The following PPP2R3B variants were observed in gnomAD, a reference collection of about 807,000 sequenced individuals.
PPP2R3B encodes the protein serine/threonine-protein phosphatase 2A regulatory subunit B'' subunit beta.
A neutral mutation model predicts 72.9 loss-of-function variants in PPP2R3B; 68 were observed. The observed-to-expected ratio is 0.93, with a 90% CI of 0.77 to 1.14. PPP2R3B has a LOEUF of 1.14. PPP2R3B is among the 50% of genes most tolerant of loss of function. The pLI, the probability that PPP2R3B is intolerant of heterozygous loss-of-function variation, is 0.00. For missense variants in PPP2R3B, 1,018 were observed against 842.0 expected (o/e 1.21, Z -2.59); for synonymous variants, 466 against 375.8 (o/e 1.24, Z -2.78).
chrX:346,315 C>T, intron 5 of PPP2R3B, 55 bp from the exon 6 acceptor site: 3 of 1,507,836 alleles, frequency 2.0e-6, no homozygotes, highest in South Asian at 2.4e-5. Flanking sequence ...GAGCCTCGCC[C>T]CGCACGGAGA....
intron 1 of PPP2R3B, among the ~76,000 whole-genome samples, chrX:381,858 A>G (rs963128315): frequency 3.9e-5 from 6 of 152,136 alleles, no homozygotes; most frequent in African/African-American, 7.2e-5. Context: ...TCGGCCTCCC[A>G]AAGTGCTGGG....
chrX:358,005 A>G (rs1313993040), intron 2 of PPP2R3B, among the ~76,000 whole-genome samples: 1 of 152,096 alleles, frequency 6.6e-6, no homozygotes, highest in African/African-American at 2.4e-5. Context: ...GTCCCCTCAG[A>G]CGTGAGTTCT....
chrX:341,936 A>G lies in PPP2R3B; in HGVS notation c.1037-5T>C, dbSNP rs749944851. On this transcript the variant is annotated splice_polypyrimidine_tract_variant and splice_region_variant and intron_variant, in intron 7 of 12. Transcript: ENST00000390665. ...CTATCATCTTGGTAGAAAGGGCTGG[A>G]AAGGAATGCGGTTGATGGGCAGCCC... The G allele has an allele frequency of 1.2e-6, 2 of 1,612,550 alleles. No homozygotes were observed. The highest frequency in any genetic ancestry group is 8.5e-7 in the Non-Finnish European group (1 of 1,179,756).
At chrX:383,060 C>T (rs1569420677) in intron 1 of PPP2R3B, among the ~76,000 whole-genome samples, 2 of 152,152 alleles carry the variant, frequency 1.3e-5, no homozygotes, top group Admixed American at 6.6e-5. Context: ...TCAAGAGATG[C>T]GTCCTGGGGC....
chrX:367,855 T>C (rs928541630), intron 1 of PPP2R3B, among the ~76,000 whole-genome samples: 15 of 152,102 alleles, frequency 9.9e-5, no homozygotes, highest in African/African-American at 3.6e-4. Context: ...CATTTTTTTT[T>C]GAGATGGAAA....
At chrX:383,523 C>T (rs1424736446) in intron 1 of PPP2R3B, among the ~76,000 whole-genome samples, 5 of 152,042 alleles carry the variant, frequency 3.3e-5, no homozygotes, top group South Asian at 2.1e-4. Context: ...TAGTATAAAA[C>T]GACAGAAAGC....
chrX:373,804 C>T (rs1425950626), intron 1 of PPP2R3B: 2 of 151,266 alleles, frequency 1.3e-5, no homozygotes, highest in African/African-American at 4.8e-5. Flanking sequence ...GGGCCGGGGC[C>T]CGCGCCGCGC....
At chrX:347,099 G>C in intron 4 of PPP2R3B, 135 bp downstream of exon 4, 1 of 1,079,474 alleles carries the variant, frequency 9.3e-7, no homozygotes, top group Non-Finnish European at 1.4e-6. Context: ...CCCATGAGGT[G>C]TGCGGTGTAG....
Position 362,556 on chromosome X carries a change from C to T in PPP2R3B, c.325-966G>A, listed in dbSNP as rs770084171. Among the ~76,000 whole-genome samples the T allele has an allele frequency of 2.0e-3, 307 of 151,884 alleles. 2 individuals carry two copies. Among genetic ancestry groups the T allele is most frequent in the African/African-American group, 7.2e-3 (299 of 41,396 alleles). Reference sequence around the variant, plus strand: ...TACTCAGGGGACAGGGCTGTGTCCTCCTTGACCAACTACCTAGGGAATGGG... The same window carrying T: ...TACTCAGGGGACAGGGCTGTGTCCTTCTTGACCAACTACCTAGGGAATGGG... On this transcript the variant is annotated intron_variant, in intron 1 of 12. Transcript: ENST00000390665.
At chrX:346,613 C>G in intron 5 of PPP2R3B, 88 bp downstream of exon 5, 1 of 1,312,972 alleles carries the variant, frequency 7.6e-7, no homozygotes, top group Admixed American at 2.2e-5. Flanking sequence ...GGGCCCCGCC[C>G]GCCCCGTCCG....
intron 2 of PPP2R3B, among the ~76,000 whole-genome samples, chrX:352,943 C>A (rs2071361015): frequency 6.6e-6 from 1 of 151,400 alleles, no homozygotes; most frequent in East Asian, 2.0e-4. Context: ...CTCGGAGCCC[C>A]CACCCAAGTC....
At chrX:383,907 T>C (rs2072185357) in intron 1 of PPP2R3B, among the ~76,000 whole-genome samples, 1 of 144,934 alleles carries the variant, frequency 6.9e-6, no homozygotes, top group South Asian at 2.2e-4. Flanking sequence ...CAGTCATGAC[T>C]GGATGGGAGT....
At chrX:335,739 TCACA>T (rs1302891044) in intron 12 of PPP2R3B, 3 of 152,148 alleles carry the variant, frequency 2.0e-5, no homozygotes, top group African/African-American at 4.8e-5. Context: ...GCCTCACTGA[TCACA>T]CACAAAGTCA....
chrX:383,837 C>CAAAAAAAAAAA (rs757960788), intron 1 of PPP2R3B, among the ~76,000 whole-genome samples: 30 of 45,618 alleles, frequency 6.6e-4, no homozygotes, highest in African/African-American at 1.7e-3. Flanking sequence ...GACTCCGTCT[C>CAAAAAAAAAAA]AAAAAAAAAA....
At position 386,759 on chromosome X, in the gene PPP2R3B, C is replaced by G; in HGVS notation, c.-68G>C. The G allele has an allele frequency of 9.6e-7, 1 of 1,036,610 alleles. No individual in the cohort carries two copies. The highest frequency in any genetic ancestry group is 1.2e-6 in the Non-Finnish European group (1 of 827,622). 64.2% of individuals were successfully genotyped at this position (1,036,610 alleles called of 1,614,324 possible). ...GCCCCGCCCCGGGGGCTTCGGTCCG[C>G]CCCGGACCGACCTCGGTGATGCGAG... On this transcript the variant is annotated 5_prime_UTR_variant, in exon 1 of 13. Coordinates refer to ENST00000390665, the MANE Select transcript of PPP2R3B (RefSeq NM_013239.5).
chrX:347,117 C>T (rs1373468762), intron 4 of PPP2R3B, 117 bp downstream of exon 4: 7 of 1,221,762 alleles, frequency 5.7e-6, no homozygotes, highest in African/African-American at 4.7e-5. Context: ...TAGACGCGGA[C>T]CCTCCCGTGA....
intron 1 of PPP2R3B, among the ~76,000 whole-genome samples, chrX:380,163 G>C (rs1310349566): frequency 6.6e-6 from 1 of 152,146 alleles, no homozygotes; most frequent in Non-Finnish European, 1.5e-5. Flanking sequence ...TTGACACCTT[G>C]TGGTATGCAA....
At chrX:352,129 G>T (rs754349593) in intron 2 of PPP2R3B, among the ~76,000 whole-genome samples, 1 of 152,330 alleles carries the variant, frequency 6.6e-6, no homozygotes, top group Non-Finnish European at 1.5e-5. Flanking sequence ...AAAGTAAATG[G>T]AGATAATCAA....
At chrX:363,693 TC>T (rs2071613100) in intron 1 of PPP2R3B, among the ~76,000 whole-genome samples, 1 of 150,178 alleles carries the variant, frequency 6.7e-6, no homozygotes, top group Non-Finnish European at 1.5e-5. Context: ...AAGCCCGCGA[TC>T]CCACAGTGCA....
Sources: gnomAD v4.1 joint callset for allele counts (sites outside exome capture counted in the v4.1 genomes callset) on GRCh38, gnomAD v4.1.1 for gene constraint, MANE v1.5 for transcripts, NCBI Gene and HGNC (gene_info 2026-07-23, HGNC 2026-07-21) for gene names.